ST7L: variants seen among roughly 807,000 people sequenced by gnomAD.
The protein encoded by ST7L is suppression of tumorigenicity 7 like.
ST7L carries 57 observed loss-of-function variants against 72.5 expected under a neutral mutation model. The observed-to-expected ratio is 0.79, with a 90% CI of 0.64 to 0.98. The LOEUF is 0.98. Ranked by LOEUF, ST7L falls within the 50% of genes least tolerant of loss-of-function variation. The pLI is 0.00. For synonymous variants in ST7L, 221 were observed against 240.9 expected (o/e 0.92, Z 0.77); for missense variants, 576 against 672.2 (o/e 0.86, Z 1.58).
chr1:112,608,308 T>G (rs1244494584), intron 3 of ST7L, among the ~76,000 whole-genome samples: 5 of 152,298 alleles, frequency 3.3e-5, no homozygotes, highest in Non-Finnish European at 4.4e-5. Context: ...TTTGGGCCAC[T>G]GTGCCCAGCT....
At chr1:112,596,937 C>T (rs1005784328) in intron 5 of ST7L, among the ~76,000 whole-genome samples, 1 of 152,108 alleles carries the variant, frequency 6.6e-6, no homozygotes, top group African/African-American at 2.4e-5. Flanking sequence ...GCGCCCAGCC[C>T]ATTCATACTT....
In ST7L at chr1:112,619,039, C is replaced by T; in HGVS notation, c.75G>A (p.Pro25=). Residue 25 remains proline (P), a synonymous_variant, in exon 1 of 15, where the codon CCG becomes CCA. Transcript: ENST00000358039. ...GCAGTCGCTCCCTCCAGCCTAGCGTCGGGTTTAGGCCAGGGACAGATGCAG... is the reference window on the plus strand; with the variant it reads ...GCAGTCGCTCCCTCCAGCCTAGCGTTGGGTTTAGGCCAGGGACAGATGCAG... ...ASPASVPGLN[P]TLGWRERLRA... 6.2e-7 allele frequency: 1 copy of T among 1,614,008 alleles called. No individual in the cohort carries two copies.
chr1:112,596,526 A>C (rs1666505247), intron 5 of ST7L, among the ~76,000 whole-genome samples: 1 of 152,238 alleles, frequency 6.6e-6, no homozygotes, highest in African/African-American at 2.4e-5. Context: ...GGGAAGATTA[A>C]ATTTCTATAA....
At chr1:112,615,443 G>A (rs1669724527) in intron 2 of ST7L, among the ~76,000 whole-genome samples, 1 of 152,138 alleles carries the variant, frequency 6.6e-6, no homozygotes, top group Non-Finnish European at 1.5e-5. Context: ...AACAGATGAG[G>A]AAACTGGGGC....
chr1:112,565,823 C>T (rs943184440), intron 11 of ST7L, among the ~76,000 whole-genome samples: 1 of 152,024 alleles, frequency 6.6e-6, no homozygotes, highest in African/African-American at 2.4e-5. Context: ...TCAAGACCAG[C>T]CTGGACAAAT....
chr1:112,566,294 CTTCTTTTTTTTT>C (rs1467601809), intron 11 of ST7L, among the ~76,000 whole-genome samples: 3 of 108,976 alleles, frequency 2.8e-5, no homozygotes, highest in Admixed American at 1.0e-4. Context: ...TTTTCTTCTT[CTTCTTTTTTTTT>C]TTTTTTTTTG....
At chr1:112,600,976 C>T (rs1275047983) in intron 3 of ST7L, 128 bp from the exon 4 acceptor site, 10 of 731,428 alleles carry the variant, frequency 1.4e-5, no homozygotes, top group Non-Finnish European at 2.2e-5. Context: ...ATGAATAAAG[C>T]ATGCTTTCAA....
intron 9 of ST7L, 56 bp downstream of exon 9, chr1:112,581,936 T>C (rs1664186609): frequency 8.5e-7 from 1 of 1,176,020 alleles, no homozygotes; most frequent in Non-Finnish European, 1.3e-6. Context: ...ACCACATTTA[T>C]AATTACATAA....
intron 11 of ST7L, among the ~76,000 whole-genome samples, chr1:112,570,545 G>GTATATATATATATATATATATATA (rs71584748): frequency 7.6e-5 from 10 of 130,904 alleles, no homozygotes; most frequent in East Asian, 2.6e-4. Flanking sequence ...AATAAAAGAT[G>GTATATATATATATATATATATATA]TATATATATA....
At position 112,577,729 on chromosome 1, in the gene ST7L, A is replaced by G. The variant is rs550945320; in HGVS notation, c.1142+616T>C. Among the ~76,000 whole-genome samples the G allele has an allele frequency of 8.5e-5, 13 of 152,240 alleles. No homozygotes were observed. In the East Asian group the frequency reaches 2.3e-3, roughly 27 times the overall value. ...CCAGAGAATCTCATGAAATAGCAGT[A>G]CATTCTTATCAAATTCTTATTTGAG... On this transcript the variant is annotated intron_variant, in intron 10 of 14. Transcript: ENST00000358039.
downstream of ST7L, chr1:112,522,008 T>A (rs3762334): frequency 6.6e-6 from 1 of 152,330 alleles, no homozygotes; most frequent in African/African-American, 2.4e-5. Flanking sequence ...AAAATGAGGA[T>A]ACGTACCTGT....
intron 3 of ST7L, among the ~76,000 whole-genome samples, chr1:112,609,996 G>A (rs907319634): frequency 1.3e-5 from 2 of 151,756 alleles, no homozygotes; most frequent in Non-Finnish European, 2.9e-5. Context: ...GGCTGTTTCT[G>A]TTCTCTCCTT....
chr1:112,520,922 G>A (rs1030593762), downstream of ST7L: 9 of 183,638 alleles, frequency 4.9e-5, no homozygotes, highest in Admixed American at 3.2e-4. Flanking sequence ...AGTTAGATGG[G>A]ACAAAGATGA....
chr1:112,568,742 A>C (rs896049784), intron 11 of ST7L, among the ~76,000 whole-genome samples: 4 of 149,586 alleles, frequency 2.7e-5, no homozygotes, highest in African/African-American at 9.7e-5. Context: ...AGGCACAGTG[A>C]CTCAAGCCTG....
At chr1:112,619,277 A>G, upstream of ST7L, 1 of 662,194 alleles carries the variant, frequency 1.5e-6, no homozygotes, top group South Asian at 1.9e-5. Flanking sequence ...GTGTCTCAAG[A>G]TTGGGGCTAC....
chr1:112,607,013 C>T (rs980924897), intron 3 of ST7L: 11 of 152,246 alleles, frequency 7.2e-5, no homozygotes, highest in East Asian at 5.8e-4. Flanking sequence ...GGATTTACTA[C>T]TATTAAAATA....
intron 3 of ST7L, among the ~76,000 whole-genome samples, chr1:112,604,600 G>C (rs956410289): frequency 1.3e-5 from 2 of 151,880 alleles, no homozygotes; most frequent in African/African-American, 4.8e-5. Context: ...TGGTTACCAA[G>C]TCCAAAACCT....
At chr1:112,574,827 T>C (rs192825352) in intron 11 of ST7L, among the ~76,000 whole-genome samples, 2 of 152,184 alleles carry the variant, frequency 1.3e-5, no homozygotes, top group East Asian at 1.9e-4. Context: ...CGTCTGTGGG[T>C]TGATAATGTT....
intron 2 of ST7L, among the ~76,000 whole-genome samples, chr1:112,611,767 C>G (rs575743210): frequency 6.6e-6 from 1 of 151,882 alleles, no homozygotes; most frequent in South Asian, 2.1e-4. Flanking sequence ...TCTAGACCAG[C>G]CTGGACAAAA....
Sources: gnomAD v4.1 joint callset for allele counts (sites outside exome capture counted in the v4.1 genomes callset) on GRCh38, gnomAD v4.1.1 for gene constraint, MANE v1.5 for transcripts, NCBI Gene and HGNC (gene_info 2026-07-23, HGNC 2026-07-21) for gene names.